The following PCDHGA9 variants were observed in gnomAD, a reference collection of about 807,000 sequenced individuals.
The protein encoded by PCDHGA9 is protocadherin gamma subfamily A, 9, also known as protocadherin gamma-A9.
In PCDHGA9, 37 loss-of-function variants were observed where a neutral mutation model predicts 62.5. The ratio of observed to expected loss-of-function variants is 0.59; its 90% CI spans 0.46 to 0.78. The LOEUF (loss-of-function observed/expected upper bound fraction) is 0.78, where lower values mean the gene tolerates loss of function less well. PCDHGA9 is among the 30% of genes least tolerant of loss of function. The probability of loss-of-function intolerance (pLI) is 0.00; values close to 1 mark genes in which losing one functional copy is unlikely to be tolerated. For missense variants in PCDHGA9, 1,138 were observed against 1,166.2 expected, an observed-to-expected ratio of 0.98 and a Z score of 0.35; for synonymous variants, 459 against 484.6, an observed-to-expected ratio of 0.95 and a Z score of 0.69.
In PCDHGA9 at chr5:141,423,130, G is replaced by T. The variant is rs770258338; in HGVS notation, c.2424+17754G>T. The T allele has an allele frequency of 2.5e-6, 4 of 1,613,700 alleles. No homozygotes were observed. Among genetic ancestry groups the T allele is most frequent in the Non-Finnish European group, 2.5e-6 (3 of 1,179,952 alleles). ...GGTGCGTACAGCGCGGGCACTGCTG[G>T]ACAGAGACGCGCTCAAGCAGAGCCT... On this transcript the variant is annotated intron_variant, in intron 1 of 3. Coordinates refer to ENST00000573521, the MANE Select transcript of PCDHGA9 (RefSeq NM_018921.3).
At chr5:141,422,696 ACT>A in intron 1 of PCDHGA9, 1 of 1,602,756 alleles carries the variant, frequency 6.2e-7, no homozygotes, top group Non-Finnish European at 8.5e-7. Flanking sequence ...CTGGTCACTT[ACT>A]CTCTGACGGA....
At chr5:141,413,631 G>A in intron 1 of PCDHGA9, 4 of 1,613,750 alleles carry the variant, frequency 2.5e-6, no homozygotes, top group Admixed American at 1.7e-5. Context: ...ATGTCGCTGC[G>A]GGAATGCGTT....
chr5:141,404,633 G>C lies in PCDHGA9; in HGVS notation c.1681G>C (p.Glu561Gln). 1 of 1,614,170 alleles carries C rather than the reference G, an allele frequency of 6.2e-7. No individual in the cohort carries two copies. Among genetic ancestry groups the C allele is most frequent in the Non-Finnish European group, 8.5e-7 (1 of 1,180,028 alleles). ...TTTGGACCAGAATGACAATGCCCCA[G>C]AAATCCTGTACCCTGCCCTCCCCAC... ...FVLDQNDNAP[E>Q]ILYPALPTDG... Residue 561 changes from glutamate to glutamine, a missense_variant, in exon 1 of 4, where the codon GAA (glutamate) becomes CAA (glutamine). Glu to Gln is a conservative substitution (Grantham distance 29). Transcript: ENST00000573521.
chr5:141,509,300 G>A (rs987250093), intron 3 of PCDHGA9, among the ~76,000 whole-genome samples: 5 of 152,216 alleles, frequency 3.3e-5, no homozygotes, highest in African/African-American at 1.2e-4. Flanking sequence ...GGTGGAGGCA[G>A]AGGGAGGCTG....
At chr5:141,499,287 C>T (rs896428388) in intron 2 of PCDHGA9, among the ~76,000 whole-genome samples, 3 of 152,184 alleles carry the variant, frequency 2.0e-5, no homozygotes, top group Non-Finnish European at 2.9e-5. Context: ...CTGATGGCTC[C>T]ACACTACCAT....
chr5:141,425,057 C>T (rs926732426), intron 1 of PCDHGA9, among the ~76,000 whole-genome samples: 4 of 152,026 alleles, frequency 2.6e-5, no homozygotes, highest in African/African-American at 4.8e-5. Flanking sequence ...ATCTAGGGCT[C>T]GGACAAAAAT....
chr5:141,409,047 G>A, intron 1 of PCDHGA9: 1 of 1,613,982 alleles, frequency 6.2e-7, no homozygotes, highest in Non-Finnish European at 8.5e-7. Context: ...TACTACTTCC[G>A]AAGCACTGCC....
At chr5:141,418,479 C>G (rs375821205) in intron 1 of PCDHGA9, 3 of 1,614,010 alleles carry the variant, frequency 1.9e-6, no homozygotes, top group Non-Finnish European at 1.7e-6. Context: ...ACGCAGAGCG[C>G]TCACCACTTG....
At chr5:141,410,469 T>C in intron 1 of PCDHGA9, 1 of 1,614,026 alleles carries the variant, frequency 6.2e-7, no homozygotes, top group Non-Finnish European at 8.5e-7. Context: ...AATCTGTGCA[T>C]TGCACATACG....
Position 141,431,180 on chromosome 5 carries a change from A to C in PCDHGA9, c.2424+25804A>C. The C allele has an allele frequency of 6.2e-7, 1 of 1,614,246 alleles. No homozygotes were observed. The highest frequency in any genetic ancestry group is 8.5e-7 in the Non-Finnish European group (1 of 1,180,044). On this transcript the variant is annotated intron_variant, in intron 1 of 3. Transcript: ENST00000573521. This position sits in a 1 kb window ranked among gnomAD's most constrained non-coding sequence, Gnocchi z 4.8. ...CTTTCGTGAAAGTGAATTAGAAATA[A>C]AAATTAGTGAAAATGCAGCCACTGA...
chr5:141,431,012 G>A lies in PCDHGA9; in HGVS notation c.2424+25636G>A. On this transcript the variant is annotated intron_variant, in intron 1 of 3. Coordinates refer to ENST00000573521, the MANE Select transcript of PCDHGA9 (RefSeq NM_018921.3). This position sits in a 1 kb window ranked among gnomAD's most constrained non-coding sequence, Gnocchi z 4.8. The stretch of plus-strand genomic sequence containing the variant: ...CCTGAATCCGCGCAGCGGCAGCTTG[G>A]TCACGGCGGGCAGGATAGACCGGGA... 1 of 1,613,314 alleles carries A rather than the reference G, an allele frequency of 6.2e-7. No individual in the cohort carries two copies. Among genetic ancestry groups the A allele is most frequent in the South Asian group, 1.1e-5 (1 of 91,076 alleles).
At position 141,431,034 on chromosome 5, in the gene PCDHGA9, G is replaced by C. The variant is rs372312860; in HGVS notation, c.2424+25658G>C. 2.5e-6 allele frequency: 4 copies of C among 1,613,992 alleles called. No homozygotes were observed. The highest frequency in any genetic ancestry group is 2.7e-5 in the African/African-American group (2 of 74,938). On this transcript the variant is annotated intron_variant, in intron 1 of 3. Coordinates refer to ENST00000573521, the MANE Select transcript of PCDHGA9 (RefSeq NM_018921.3). The surrounding 1 kb of genome is among the most constrained non-coding windows in gnomAD (Gnocchi z 4.8). ...TTGGTCACGGCGGGCAGGATAGACC[G>C]GGAGGAGCTCTGTATGGGGGCCATC...
chr5:141,499,493 A>G (rs1322531312), intron 2 of PCDHGA9, among the ~76,000 whole-genome samples: 1 of 152,222 alleles, frequency 6.6e-6, no homozygotes, highest in African/African-American at 2.4e-5. Context: ...CTACAGTTTA[A>G]TATGAAACAT....
intron 1 of PCDHGA9, chr5:141,428,729 A>T (rs1362138016): frequency 6.3e-6 from 1 of 159,768 alleles, no homozygotes; most frequent in East Asian, 1.8e-4. Flanking sequence ...AATCTTAAAC[A>T]TATTATATCT....
intron 1 of PCDHGA9, chr5:141,413,462 G>C (rs750915907): frequency 1.9e-6 from 3 of 1,614,120 alleles, no homozygotes; most frequent in Non-Finnish European, 2.5e-6. Flanking sequence ...AGGATAGACC[G>C]GGAGGAGCTC....
intron 1 of PCDHGA9, among the ~76,000 whole-genome samples, chr5:141,468,798 G>A (rs895012127): frequency 7.9e-5 from 12 of 151,646 alleles, no homozygotes; most frequent in East Asian, 2.0e-4. Context: ...CCCGGGAGGC[G>A]GAACTTGCAG....
chr5:141,432,173 GTC>G lies in PCDHGA9; in HGVS notation c.2424+26801_2424+26802del. 6.2e-7 allele frequency: 1 copy of G among 1,614,054 alleles called. No individual in the cohort carries two copies. Among genetic ancestry groups the G allele is most frequent in the Non-Finnish European group, 8.5e-7 (1 of 1,180,018 alleles). Reference sequence around the variant, plus strand: ...GAACAATCCCAGAGGAGTTTCCCTCGTCTCTGTGACCGCCCACGACCCCGACT... The same window carrying G: ...GAACAATCCCAGAGGAGTTTCCCTCGTCTGTGACCGCCCACGACCCCGACT... On this transcript the variant is annotated intron_variant, in intron 1 of 3. Coordinates refer to ENST00000573521, the MANE Select transcript of PCDHGA9 (RefSeq NM_018921.3). This position sits in a 1 kb window ranked among gnomAD's most constrained non-coding sequence, Gnocchi z 6.0.
At chr5:141,459,845 T>C (rs914128032) in intron 1 of PCDHGA9, among the ~76,000 whole-genome samples, 1 of 152,232 alleles carries the variant, frequency 6.6e-6, no homozygotes, top group Admixed American at 6.5e-5. Flanking sequence ...TCTATTTGTA[T>C]ATCTTCTTGA....
intron 1 of PCDHGA9, chr5:141,417,708 G>C (rs1028054307): frequency 1.2e-4 from 152 of 1,227,878 alleles, no homozygotes; most frequent in East Asian, 4.9e-4. Context: ...CCACACAGAG[G>C]CTCCCGGCTG....
Sources: gnomAD v4.1 joint callset for allele counts (sites outside exome capture counted in the v4.1 genomes callset) on GRCh38, gnomAD v4.1.1 for gene constraint, Gnocchi (gnomAD v3.1) non-coding constraint, MANE v1.5 for transcripts, NCBI Gene and HGNC (gene_info 2026-07-23, HGNC 2026-07-21) for gene names.